KIF13A: variants seen among roughly 807,000 people sequenced by gnomAD.
KIF13A encodes the protein kinesin family member 13A.
Under a neutral mutation model 212.2 loss-of-function variants are expected in KIF13A, and 79 were observed. The observed-to-expected ratio is 0.37, with a 90% confidence interval of 0.31 to 0.45. KIF13A has a LOEUF of 0.45. Ranked by LOEUF, KIF13A falls within the 20% of genes least tolerant of loss-of-function variation. The pLI is 1.00. For synonymous variants in KIF13A, 789 were observed against 808.6 expected, an observed-to-expected ratio of 0.98 and a Z score of 0.41; for missense variants, 1,901 against 2,209.0, an observed-to-expected ratio of 0.86 and a Z score of 2.79.
intron 2 of KIF13A, among the ~76,000 whole-genome samples, chr6:17,920,566 T>A (rs752005828): frequency 3.3e-5 from 5 of 152,182 alleles, no homozygotes; most frequent in African/African-American, 7.2e-5. Flanking sequence ...ACCTATTCAC[T>A]CTACTTTCAT....
In KIF13A at chr6:17,764,195, T is replaced by C. The variant is rs1758741213; in HGVS notation, c.5333A>G (p.His1778Arg). ...TGGKTVSDGL[H>R]HPSQLHSKLE... ...CTTGGAATGCAGCTGGCTGGGGTGGTGGAGCCCATCGGAGACAGTCTTGCC... is the reference window on the plus strand; with the variant it reads ...CTTGGAATGCAGCTGGCTGGGGTGGCGGAGCCCATCGGAGACAGTCTTGCC... Residue 1778 changes from histidine to arginine, a missense_variant, in exon 39 of 39, where the codon CAC becomes CGC. Physicochemically the swap from His to Arg is conservative, Grantham distance 29. This residue lies in a region of KIF13A where 687 missense variants were observed against 759.1 expected (regional missense o/e 0.90). Transcript: ENST00000259711. This position sits in a 1 kb window ranked among gnomAD's most constrained non-coding sequence, Gnocchi z 5.1. 1 of 1,614,012 alleles carries C rather than the reference T, an allele frequency of 6.2e-7. No individual in the cohort carries two copies. Among genetic ancestry groups the C allele is most frequent in the Non-Finnish European group, 8.5e-7 (1 of 1,179,886 alleles).
At chr6:17,873,767 T>C (rs1056767420) in intron 3 of KIF13A, among the ~76,000 whole-genome samples, 1 of 151,814 alleles carries the variant, frequency 6.6e-6, no homozygotes, top group African/African-American at 2.4e-5. Flanking sequence ...AAAAAAAAAT[T>C]GTTGCAGACA....
rs1768072985 is a variant in KIF13A at position 17,855,685 on chromosome 6, A to G, written c.314-68T>C. The G allele has an allele frequency of 7.8e-7, 1 of 1,286,820 alleles. No individual in the cohort carries two copies. The allele number at this position is 1,286,820 out of a possible 1,614,324, so 79.7% of individuals were successfully genotyped here. ...GCAAAATGCAATGCTTCAACCATAC[A>G]AGGTTTCCCCATATACTGGCCATGG... On this transcript the variant is annotated intron_variant, in intron 5 of 38. Transcript: ENST00000259711. The surrounding 1 kb of genome is among the most constrained non-coding windows in gnomAD (Gnocchi z 4.1).
rs1015610922 is a variant in KIF13A, at chr6:17,919,014, T to C, written c.147-20834A>G. ...GCCTACAGGGTTGTCAGGCACGAAA[T>C]AGTCACTCAGTAAGTATCTCTTAAA... is the stretch of plus-strand genomic sequence containing the variant. On this transcript the variant is annotated intron_variant, in intron 2 of 38. Transcript: ENST00000259711. This position sits in a 1 kb window ranked among gnomAD's most constrained non-coding sequence, Gnocchi z 4.1. Among the ~76,000 whole-genome samples the C allele has an allele frequency of 4.6e-5, 7 of 152,312 alleles. No individual in the cohort carries two copies. The highest frequency in any genetic ancestry group is 1.7e-4 in the African/African-American group (7 of 41,572).
intron 6 of KIF13A, among the ~76,000 whole-genome samples, chr6:17,852,388 A>C (rs1027223372): frequency 2.0e-5 from 3 of 152,186 alleles, no homozygotes; most frequent in African/African-American, 4.8e-5. Context: ...GCTATTTCAT[A>C]AATAAGCATA....
chr6:17,871,789 A>C lies in KIF13A; in HGVS notation c.220+1588T>G, dbSNP rs1404885077. Among the ~76,000 whole-genome samples, 1 of 152,362 alleles carries C rather than the reference A, an allele frequency of 6.6e-6. No homozygotes were observed. Among genetic ancestry groups the C allele is most frequent in the East Asian group, 1.9e-4 (1 of 5,190 alleles). On this transcript the variant is annotated intron_variant, in intron 4 of 38. Coordinates refer to ENST00000259711, the MANE Select transcript of KIF13A (RefSeq NM_022113.6). The surrounding 1 kb of genome is among the most constrained non-coding windows in gnomAD (Gnocchi z 4.4). ...CTGAGAAGTGCATGAGAAGAGCTCCAGTTCAGGAAGATATATATGGCTGCA... is the reference window on the plus strand; with the variant it reads ...CTGAGAAGTGCATGAGAAGAGCTCCCGTTCAGGAAGATATATATGGCTGCA...
chr6:17,875,392 A>G (rs1469226922), intron 3 of KIF13A, among the ~76,000 whole-genome samples: 1 of 151,706 alleles, frequency 6.6e-6, no homozygotes, highest in Non-Finnish European at 1.5e-5. Context: ...TATACCGGGA[A>G]TGGCTGGTGC....
At chr6:17,781,795 T>C (rs1279517032) in intron 29 of KIF13A, among the ~76,000 whole-genome samples, 3 of 151,936 alleles carry the variant, frequency 2.0e-5, no homozygotes, top group Admixed American at 6.6e-5. Flanking sequence ...CCTGGCTAAT[T>C]TGTAAAATTT....
At chr6:17,945,892 C>T (rs1249820245) in intron 2 of KIF13A, among the ~76,000 whole-genome samples, 2 of 152,030 alleles carry the variant, frequency 1.3e-5, no homozygotes, top group Admixed American at 1.3e-4. Context: ...TATCTGGAAA[C>T]CTAGTCTGAT....
At chr6:17,913,852 G>T (rs1389380665) in intron 2 of KIF13A, among the ~76,000 whole-genome samples, 1 of 152,138 alleles carries the variant, frequency 6.6e-6, no homozygotes. Context: ...TCAGGGAAGT[G>T]GTTATTACCT....
intron 9 of KIF13A, among the ~76,000 whole-genome samples, chr6:17,844,966 A>G (rs1006974742): frequency 1.3e-5 from 2 of 152,236 alleles, no homozygotes; most frequent in African/African-American, 2.4e-5. Context: ...GACTGAGTGT[A>G]TTAGTCCATT....
In KIF13A at chr6:17,796,697, G is replaced by A; in HGVS notation, c.2914C>T (p.His972Tyr). Reference sequence around the variant, plus strand: ...TCATGCAGTGTTCTTGTCTTAGCATGAAGAGAATCGACCTCCCAGATGGAG... The same window carrying A: ...TCATGCAGTGTTCTTGTCTTAGCATAAAGAGAATCGACCTCCCAGATGGAG... ...GSSIWEVDSL[H>Y]AKTRTLHDRW... Residue 972 changes from histidine (H) to tyrosine (Y), a missense_variant, in exon 23 of 39, where the codon CAT (histidine) becomes TAT (tyrosine). Coordinates refer to ENST00000259711, the MANE Select transcript of KIF13A (RefSeq NM_022113.6). 1 of 1,580,194 alleles carries A rather than the reference G, an allele frequency of 6.3e-7. No individual in the cohort carries two copies. Among genetic ancestry groups the A allele is most frequent in the South Asian group, 1.2e-5 (1 of 86,800 alleles).
rs1380002776 is a variant in KIF13A, at chr6:17,783,203, A to G, written c.3544+443T>C. Among the ~76,000 whole-genome samples the G allele has an allele frequency of 6.6e-6, 1 of 152,252 alleles. No homozygotes were observed. Among genetic ancestry groups the G allele is most frequent in the Non-Finnish European group, 1.5e-5 (1 of 68,046 alleles). On this transcript the variant is annotated intron_variant, in intron 29 of 38. Transcript: ENST00000259711. The surrounding 1 kb of genome is among the most constrained non-coding windows in gnomAD (Gnocchi z 4.3). ...GTTCTGCTAAAGCACATTGGAAACC[A>G]TTGTTCTAGACTTGCCCAGGTTCCA...
At chr6:17,922,381 A>G (rs1047820435) in intron 2 of KIF13A, among the ~76,000 whole-genome samples, 7 of 152,226 alleles carry the variant, frequency 4.6e-5, no homozygotes, top group Admixed American at 3.9e-4. Flanking sequence ...AACCTGGAGG[A>G]TGGAAAAATA....
In KIF13A at chr6:17,777,327, T is replaced by C. The variant is rs1461179076; in HGVS notation, c.4120A>G (p.Thr1374Ala). 26 of 1,613,270 alleles carry C rather than the reference T, an allele frequency of 1.6e-5. No individual in the cohort carries two copies. The highest frequency in any genetic ancestry group is 2.0e-5 in the Non-Finnish European group (24 of 1,179,680). ...QAVTVKEALS[T>A]KARHIRRSLS... ...CTCCTCCGAATGTGCCGGGCTTTGG[T>C]GGAAAGTGCTTCTTTGACTGTGACG... The change falls in exon 34 of 39, where the codon ACC becomes GCC. Residue 1374 changes from threonine (T) to alanine (A), a missense_variant. Thr to Ala is a moderately conservative substitution (Grantham distance 58). Around this residue, in one of 5 missense-constraint regions of KIF13A, gnomAD observed 687 missense variants for 759.1 expected, o/e 0.90. Transcript: ENST00000259711. This position sits in a 1 kb window ranked among gnomAD's most constrained non-coding sequence, Gnocchi z 4.4.
At chr6:17,802,093 G>A (rs1388929469) in intron 20 of KIF13A, among the ~76,000 whole-genome samples, 1 of 152,086 alleles carries the variant, frequency 6.6e-6, no homozygotes, top group African/African-American at 2.4e-5. Context: ...ACATGTTCTG[G>A]TAGTACTGCT....
At chr6:17,913,282 T>C (rs1209794494) in intron 2 of KIF13A, among the ~76,000 whole-genome samples, 4 of 152,080 alleles carry the variant, frequency 2.6e-5, no homozygotes, top group Admixed American at 1.3e-4. Flanking sequence ...TCTATGGGTT[T>C]GGGAAACTCA....
rs1247259986 is a variant in KIF13A, at chr6:17,776,376, C to CT, written c.4170+900dup. Among the ~76,000 whole-genome samples the CT allele has an allele frequency of 1.4e-4, 22 of 152,140 alleles. No individual in the cohort carries two copies. Among genetic ancestry groups the CT allele is most frequent in the Admixed American group, 3.9e-4 (6 of 15,276 alleles). On this transcript the variant is annotated intron_variant, in intron 34 of 38. Coordinates refer to ENST00000259711, the MANE Select transcript of KIF13A (RefSeq NM_022113.6). The surrounding 1 kb of genome is among the most constrained non-coding windows in gnomAD (Gnocchi z 4.6). ...TTAGCTGCATTGCACAAACACTGAT[C>CT]TATGTATCATTTTTATTCTCATTTA...
intron 9 of KIF13A, among the ~76,000 whole-genome samples, chr6:17,844,460 G>A (rs1316549087): frequency 6.6e-6 from 1 of 152,162 alleles, no homozygotes; most frequent in Non-Finnish European, 1.5e-5. Context: ...AGTAAGTTTA[G>A]GGAACAACAA....
Sources: allele counts gnomAD v4.1 joint callset (sites outside exome capture counted in the v4.1 genomes callset), GRCh38; gene constraint gnomAD v4.1.1; regional missense constraint gnomAD v4.1.1; non-coding constraint Gnocchi (gnomAD v3.1); transcripts MANE v1.5; gene names NCBI Gene and HGNC (gene_info 2026-07-23, HGNC 2026-07-21).